TCERG1: variants seen among roughly 807,000 people sequenced by gnomAD.
TCERG1 encodes the protein transcription elongation regulator 1, also known as TATA box binding protein (TBP)-associated factor, RNA polymerase II, S, 150kD.
TCERG1 carries 37 observed loss-of-function variants against 144.7 expected under a neutral mutation model. That is an observed-to-expected ratio of 0.26 (90% CI 0.20 to 0.34). TCERG1 has a LOEUF of 0.34. Among genes scored for constraint, TCERG1 ranks in the 10% least tolerant of loss-of-function variants. The pLI is 1.00. For missense variants in TCERG1, 1,027 were observed against 1,380.7 expected (o/e 0.74, Z 4.06); for synonymous variants, 492 against 458.2 (o/e 1.07, Z -0.94).
At chr5:146,510,044 G>A in intron 22 of TCERG1, 5 of 1,288,652 alleles carry the variant, frequency 3.9e-6, no homozygotes, top group Non-Finnish European at 5.1e-6. Context: ...TGTGAAGTAA[G>A]ACTTCTTTCT....
intron 5 of TCERG1, among the ~76,000 whole-genome samples, chr5:146,466,649 T>G (rs1763817366): frequency 6.6e-6 from 1 of 152,178 alleles, no homozygotes; most frequent in Non-Finnish European, 1.5e-5. Flanking sequence ...GTATTCACAA[T>G]CTGCATGTAA....
intron 15 of TCERG1, among the ~76,000 whole-genome samples, chr5:146,487,601 G>A (rs1202898980): frequency 6.6e-6 from 1 of 151,994 alleles, no homozygotes; most frequent in Non-Finnish European, 1.5e-5. Context: ...CAGGTGTGGT[G>A]TCGTGCACCT....
intron 5 of TCERG1, among the ~76,000 whole-genome samples, 200 bp from the exon 6 acceptor site, chr5:146,468,141 G>A (rs575479989): frequency 6.6e-6 from 1 of 152,212 alleles, no homozygotes; most frequent in East Asian, 1.9e-4. Context: ...GTAATTGATG[G>A]TATCATTTAG....
chr5:146,448,940 G>T (rs1040163284), intron 1 of TCERG1, among the ~76,000 whole-genome samples: 3 of 152,070 alleles, frequency 2.0e-5, no homozygotes, highest in Non-Finnish European at 2.9e-5. Flanking sequence ...AATCCAAATG[G>T]CTTTATTAAT....
At chr5:146,502,047 A>G (rs1441606118) in intron 17 of TCERG1, among the ~76,000 whole-genome samples, 1 of 151,956 alleles carries the variant, frequency 6.6e-6, no homozygotes, top group East Asian at 1.9e-4. Context: ...GGCACCTGCC[A>G]CCACACCCAG....
At chr5:146,463,491 T>C (rs1763515203) in intron 4 of TCERG1, 60 bp from the exon 5 acceptor site, 6 of 1,601,922 alleles carry the variant, frequency 3.7e-6, no homozygotes, top group East Asian at 2.2e-5. Flanking sequence ...AAATGATGAA[T>C]GAATATAGTA....
chr5:146,454,558 C>T (rs1269839736), intron 1 of TCERG1, among the ~76,000 whole-genome samples: 1 of 151,730 alleles, frequency 6.6e-6, no homozygotes, highest in African/African-American at 2.4e-5. Context: ...CTAGATCATC[C>T]ATTGATGTAA....
At chr5:146,474,888 G>A (rs1381333559) in intron 9 of TCERG1, among the ~76,000 whole-genome samples, 1 of 152,104 alleles carries the variant, frequency 6.6e-6, no homozygotes, top group Non-Finnish European at 1.5e-5. Context: ...TATATGGTGG[G>A]ATACAAAAAT....
intron 15 of TCERG1, among the ~76,000 whole-genome samples, chr5:146,492,602 G>C (rs1023917565): frequency 6.6e-6 from 1 of 152,090 alleles, no homozygotes. Context: ...AGGGATTTGG[G>C]AAGACTGTGA....
rs1257354090 is a variant in TCERG1 at position 146,492,917 on chromosome 5, T to C, written c.2164-3T>C. 6.3e-7 allele frequency: 1 copy of C among 1,591,076 alleles called. No individual in the cohort carries two copies. Among genetic ancestry groups the C allele is most frequent in the Admixed American group, 1.7e-5 (1 of 57,220 alleles). On this transcript the variant is annotated splice_region_variant and splice_polypyrimidine_tract_variant and intron_variant, in intron 15 of 22. Coordinates refer to ENST00000679501, the MANE Select transcript of TCERG1 (RefSeq NM_001382548.1). ...TTGTCAAATTTGTTGATTTTTATAA[T>C]AGGTGTTTGATCAGTATGTAAAGAC...
chr5:146,482,433 A>G (rs1006076274), intron 13 of TCERG1, 159 bp from the exon 14 acceptor site: 6 of 517,814 alleles, frequency 1.2e-5, no homozygotes, highest in African/African-American at 9.9e-5. Flanking sequence ...AAAGTTATTT[A>G]TCCCTTAGAG....
chr5:146,507,233 T>G lies in TCERG1; in HGVS notation c.2961+26T>G, dbSNP rs1380427381. 2 of 1,543,370 alleles carry G rather than the reference T, an allele frequency of 1.3e-6. No individual in the cohort carries two copies. Among genetic ancestry groups the G allele is most frequent in the African/African-American group, 2.8e-5 (2 of 71,714 alleles). ...GTAAGAATCTCTTATTTTTCTCATT[T>G]TAATCTGGATGAATCTTGTTAGTAA... On this transcript the variant is annotated intron_variant, in intron 20 of 22. Coordinates refer to ENST00000679501, the MANE Select transcript of TCERG1 (RefSeq NM_001382548.1). The surrounding 1 kb of genome is among the most constrained non-coding windows in gnomAD (Gnocchi z 4.6).
chr5:146,463,298 C>T (rs1309171341), intron 4 of TCERG1, among the ~76,000 whole-genome samples: 1 of 152,110 alleles, frequency 6.6e-6, no homozygotes, highest in Non-Finnish European at 1.5e-5. Context: ...TTTCTATACC[C>T]TCTCACAGTT....
intron 9 of TCERG1, among the ~76,000 whole-genome samples, chr5:146,475,145 C>A (rs1285678979): frequency 1.3e-5 from 2 of 152,152 alleles, no homozygotes; most frequent in African/African-American, 4.8e-5. Context: ...CTTCTGACTT[C>A]TTTTCCTTGT....
intron 16 of TCERG1, among the ~76,000 whole-genome samples, chr5:146,495,454 T>A (rs1026995535): frequency 1.3e-5 from 2 of 152,232 alleles, no homozygotes; most frequent in African/African-American, 4.8e-5. Context: ...ATCCCTTTTC[T>A]GGAATATACA....
At chr5:146,510,386 T>C (rs1768364272) in intron 22 of TCERG1, 55 bp from the exon 23 acceptor site, 1 of 1,307,102 alleles carries the variant, frequency 7.7e-7, no homozygotes, top group Non-Finnish European at 1.1e-6. Flanking sequence ...AGCTCATTTC[T>C]GAAAGACCTG....
Position 146,479,862 on chromosome 5 carries a change from A to G in TCERG1, c.1770A>G (p.Pro590=). ...TTGAAATGTTTTTGCCAGGGCACCC[A>G]ACTCCGACAATGCTGTCGATCCAAA... is the stretch of plus-strand genomic sequence containing the variant. The part of the protein sequence containing the change: ...GMEELKKLRH[P]TPTMLSIQKW... Residue 590 remains proline, a synonymous_variant, in exon 11 of 23, where the codon CCA becomes CCG. Coordinates refer to ENST00000679501, the MANE Select transcript of TCERG1 (RefSeq NM_001382548.1). 1.2e-6 allele frequency: 2 copies of G among 1,613,572 alleles called. No homozygotes were observed. The highest frequency in any genetic ancestry group is 4.5e-5 in the East Asian group (2 of 44,808).
intron 1 of TCERG1, 22 bp downstream of exon 1, chr5:146,447,430 C>T (rs1407551244): frequency 1.9e-6 from 3 of 1,607,074 alleles, no homozygotes; most frequent in East Asian, 4.5e-5. Context: ...TGCCCTCCTT[C>T]ACATCTCTGC....
intron 9 of TCERG1, among the ~76,000 whole-genome samples, chr5:146,472,202 A>G (rs187273675): frequency 3.2e-4 from 49 of 152,304 alleles, no homozygotes; most frequent in Non-Finnish European, 5.3e-4. Flanking sequence ...CATTTATAGA[A>G]TTGTGTAAAA....
Sources: allele counts gnomAD v4.1 joint callset (sites outside exome capture counted in the v4.1 genomes callset), GRCh38; gene constraint gnomAD v4.1.1; non-coding constraint Gnocchi (gnomAD v3.1); transcripts MANE v1.5; gene names NCBI Gene and HGNC (gene_info 2026-07-23, HGNC 2026-07-21).